The following ROBO1 variants were observed in gnomAD, a reference collection of about 807,000 sequenced individuals.
ROBO1 encodes the protein roundabout homolog 1.
In ROBO1, 149 loss-of-function variants were observed where a neutral mutation model predicts 195.9. The ratio of observed to expected loss-of-function variants is 0.76; its 90% CI spans 0.67 to 0.87. ROBO1 has a LOEUF of 0.87. ROBO1 is among the 40% of genes least tolerant of loss of function. The pLI, the probability that ROBO1 is intolerant of heterozygous loss-of-function variation, is 0.00. For synonymous variants in ROBO1, 816 were observed against 733.2 expected (o/e 1.11, Z -1.82); for missense variants, 1,933 against 2,068.3 (o/e 0.93, Z 1.27).
intron 3 of ROBO1, among the ~76,000 whole-genome samples, chr3:79,090,720 T>G (rs929274011): frequency 1.3e-5 from 2 of 152,136 alleles, no homozygotes; most frequent in Non-Finnish European, 2.9e-5. Context: ...TAATACCTAG[T>G]TCACATGGTT....
chr3:78,671,485 G>T (rs555609774), intron 10 of ROBO1, among the ~76,000 whole-genome samples: 3 of 151,876 alleles, frequency 2.0e-5, no homozygotes, highest in East Asian at 3.9e-4. Flanking sequence ...TTCAAAGCTG[G>T]ATCTGTCATG....
intron 3 of ROBO1, among the ~76,000 whole-genome samples, chr3:78,979,824 A>AAC (rs72223669): frequency 0.013 from 1,947 of 149,164 alleles, 42 homozygotes; most frequent in African/African-American, 0.042. Context: ...TACACACACA[A>AAC]ACACACACAC....
intron 2 of ROBO1, among the ~76,000 whole-genome samples, chr3:79,181,913 G>A (rs1465377087): frequency 1.3e-4 from 18 of 137,412 alleles, no homozygotes; most frequent in African/African-American, 4.5e-4. Flanking sequence ...GAGAAAGAGC[G>A]AGATCTTGTG....
At chr3:78,709,346 A>G (rs1575986945) in intron 8 of ROBO1, among the ~76,000 whole-genome samples, 1 of 151,830 alleles carries the variant, frequency 6.6e-6, no homozygotes, top group East Asian at 1.9e-4. Flanking sequence ...TAATATACCA[A>G]TATTGGTATA....
rs144971840 is a variant in ROBO1 at position 79,653,875 on chromosome 3, C to T, written c.-50-63914G>A. Among the ~76,000 whole-genome samples the T allele has an allele frequency of 4.2e-3, 632 of 151,990 alleles. 7 individuals carry two copies. Among genetic ancestry groups the T allele is most frequent in the African/African-American group, 0.015 (606 of 41,512 alleles). Reference sequence around the variant, plus strand: ...GGTAGCTATATCAATATGATAATTTCAGTTTACAAATTATAACTGAAGATT... The same window carrying T: ...GGTAGCTATATCAATATGATAATTTTAGTTTACAAATTATAACTGAAGATT... On this transcript the variant is annotated intron_variant, in intron 1 of 30. Transcript: ENST00000464233.
At chr3:79,363,490 A>C (rs2109310956) in intron 2 of ROBO1, among the ~76,000 whole-genome samples, 1 of 152,336 alleles carries the variant, frequency 6.6e-6, no homozygotes, top group African/African-American at 2.4e-5. Flanking sequence ...TCCTTGTATT[A>C]CACATCATAA....
chr3:79,457,396 C>A (rs200959730), intron 2 of ROBO1, among the ~76,000 whole-genome samples: 1 of 148,904 alleles, frequency 6.7e-6, no homozygotes. Context: ...TGTGTGTGTG[C>A]GTGTGTGTGT....
At chr3:78,664,445 C>T (rs1354983237) in intron 14 of ROBO1, among the ~76,000 whole-genome samples, 1 of 152,156 alleles carries the variant, frequency 6.6e-6, no homozygotes, top group African/African-American at 2.4e-5. Flanking sequence ...TAGTAACTAA[C>T]AATGGTAACA....
chr3:79,270,179 TTCTCTCTCTCTCTC>T (rs138141200), intron 2 of ROBO1, among the ~76,000 whole-genome samples: 13,849 of 140,766 alleles, frequency 0.098, 718 homozygotes, highest in Middle Eastern at 0.14. Context: ...ATACATAATG[TTCTCTCTCTCTCTC>T]TCTCTCTCTC....
intron 2 of ROBO1, among the ~76,000 whole-genome samples, chr3:79,216,041 C>T (rs896784393): frequency 1.3e-5 from 2 of 152,008 alleles, no homozygotes; most frequent in Admixed American, 1.3e-4. Flanking sequence ...TTCTCTTATC[C>T]TATACCTCGT....
chr3:78,983,106 A>G (rs1335272054), intron 3 of ROBO1, among the ~76,000 whole-genome samples: 2 of 152,114 alleles, frequency 1.3e-5, no homozygotes, highest in African/African-American at 2.4e-5. Flanking sequence ...ATGGGGTATC[A>G]CCATGTTACC....
chr3:79,495,314 T>G (rs1939673572), intron 2 of ROBO1, among the ~76,000 whole-genome samples: 1 of 152,134 alleles, frequency 6.6e-6, no homozygotes, highest in Non-Finnish European at 1.5e-5. Context: ...ATTCAAAGTG[T>G]ACTCTGACAA....
chr3:79,759,144 A>G (rs1158369988), intron 1 of ROBO1, among the ~76,000 whole-genome samples: 1 of 152,192 alleles, frequency 6.6e-6, no homozygotes, highest in Non-Finnish European at 1.5e-5. Context: ...TTTTAATTGG[A>G]GAATAAAAAG....
At position 79,125,479 on chromosome 3, in the gene ROBO1, T is replaced by C; in HGVS notation, c.149A>G (p.Asp50Gly). The C allele has an allele frequency of 1.2e-6, 2 of 1,613,664 alleles. No homozygotes were observed. Among genetic ancestry groups the C allele is most frequent in the Non-Finnish European group, 1.7e-6 (2 of 1,179,760 alleles). Residue 50 changes from aspartate (D) to glycine (G), a missense_variant, in exon 3 of 31, where the codon GAT becomes GGT. Around this residue, in one of 3 missense-constraint regions of ROBO1, gnomAD observed 185 missense variants for 159.5 expected, o/e 1.16. Coordinates refer to ENST00000464233, the MANE Select transcript of ROBO1 (RefSeq NM_002941.4). ...HGTPIPTSDN[D>G]DNSLGYTGSR... is the part of the protein sequence containing the mutation. ...ACCTGTATAGCCCAGCGAATTGTCA[T>C]CGTTATCAGAGGTGGGGATTGGCGT...
At chr3:79,353,501 T>A (rs2035426187) in intron 2 of ROBO1, among the ~76,000 whole-genome samples, 1 of 149,920 alleles carries the variant, frequency 6.7e-6, no homozygotes, top group African/African-American at 2.5e-5. Context: ...GTCATGAGAG[T>A]GGCTGCTATA....
intron 3 of ROBO1, among the ~76,000 whole-genome samples, chr3:79,114,348 G>T (rs757441969): frequency 1.5e-4 from 23 of 152,168 alleles, no homozygotes; most frequent in Non-Finnish European, 1.6e-4. Context: ...CTACTTTTCA[G>T]GCAAATGCAC....
chr3:79,448,791 C>T (rs568581408), intron 2 of ROBO1, among the ~76,000 whole-genome samples: 239 of 152,278 alleles, frequency 1.6e-3, no homozygotes, highest in African/African-American at 5.6e-3. Flanking sequence ...CAACATGTTG[C>T]AGCCTGAGAA....
intron 3 of ROBO1, among the ~76,000 whole-genome samples, chr3:79,113,988 G>T (rs2079942906): frequency 6.6e-6 from 1 of 152,166 alleles, no homozygotes; most frequent in South Asian, 2.1e-4. Context: ...TGAATCATAG[G>T]GGTGTTTCAC....
intron 2 of ROBO1, among the ~76,000 whole-genome samples, chr3:79,576,169 C>T (rs67650421): frequency 0.35 from 52,480 of 151,604 alleles, 9,356 homozygotes; most frequent in East Asian, 0.42. Flanking sequence ...TATGTAAGAC[C>T]CGCTATTCTG....
Sources: gnomAD v4.1 joint callset for allele counts (sites outside exome capture counted in the v4.1 genomes callset) on GRCh38, gnomAD v4.1.1 for gene constraint, gnomAD v4.1.1 regional missense constraint, MANE v1.5 for transcripts, NCBI Gene and HGNC (gene_info 2026-07-23, HGNC 2026-07-21) for gene names.